The following CDH13 variants were observed in gnomAD, a reference collection of about 807,000 sequenced individuals.
The protein encoded by CDH13 is cadherin 13.
Under a neutral mutation model 63.8 loss-of-function variants are expected in CDH13, and 24 were observed. The observed-to-expected ratio is 0.38, with a 90% CI of 0.27 to 0.53. The LOEUF is 0.53. Among genes scored for constraint, CDH13 ranks in the 20% least tolerant of loss-of-function variants. The pLI is 0.85. For missense variants in CDH13, 1,049 were observed against 903.1 expected (o/e 1.16, Z -2.07); for synonymous variants, 503 against 355.3 (o/e 1.42, Z -4.67).
At chr16:83,176,732 T>A (rs1209342171) in intron 4 of CDH13, among the ~76,000 whole-genome samples, 1 of 152,078 alleles carries the variant, frequency 6.6e-6, no homozygotes, top group Non-Finnish European at 1.5e-5. Context: ...ATTATTAAAG[T>A]TTGCGATAAA....
At chr16:83,175,395 T>G (rs2038083332) in intron 4 of CDH13, among the ~76,000 whole-genome samples, 1 of 152,146 alleles carries the variant, frequency 6.6e-6, no homozygotes, top group South Asian at 2.1e-4. Context: ...GACAGAACCA[T>G]GCAGACACTA....
chr16:83,269,274 G>GCC (rs1567552437), intron 5 of CDH13, among the ~76,000 whole-genome samples: 1 of 152,114 alleles, frequency 6.6e-6, no homozygotes, highest in Non-Finnish European at 1.5e-5. Flanking sequence ...CAGAACTCCT[G>GCC]GAGAGACCTA....
chr16:83,552,612 C>G (rs887886445), intron 7 of CDH13, among the ~76,000 whole-genome samples: 2 of 152,218 alleles, frequency 1.3e-5, no homozygotes, highest in South Asian at 2.1e-4. Flanking sequence ...CTCTAAGAAG[C>G]TGCCTAATTA....
At chr16:82,969,826 A>T (rs1908435893) in intron 2 of CDH13, among the ~76,000 whole-genome samples, 1 of 152,210 alleles carries the variant, frequency 6.6e-6, no homozygotes, top group Admixed American at 6.5e-5. Context: ...GCCAAAAACA[A>T]GATGGCTAGC....
At chr16:83,285,050 C>A (rs1043393539) in intron 5 of CDH13, among the ~76,000 whole-genome samples, 1 of 152,132 alleles carries the variant, frequency 6.6e-6, no homozygotes, top group African/African-American at 2.4e-5. Context: ...TATTCTCACT[C>A]ATAATTTCTT....
At position 83,687,086 on chromosome 16, in the gene CDH13, G is replaced by T. The variant is rs183559051; in HGVS notation, c.1538+8625G>T. On this transcript the variant is annotated intron_variant, in intron 10 of 13. Transcript: ENST00000567109. ...AAGTTAGCCAGGCATGGTGGTGCTT[G>T]CCTGTAGTCCCAGCTACTAGGGAGG... 5.3e-5 allele frequency among the ~76,000 whole-genome samples: 8 copies of T among 152,224 alleles called. No homozygotes were observed. The East Asian group carries it at 7.7e-4, about 15-fold the overall frequency.
chr16:83,168,113 A>G (rs1311821330), intron 4 of CDH13, among the ~76,000 whole-genome samples: 2 of 152,092 alleles, frequency 1.3e-5, no homozygotes, highest in African/African-American at 4.8e-5. Flanking sequence ...GCTAGGTGAC[A>G]GGACCAATGA....
At chr16:83,194,803 T>C (rs1431660651) in intron 4 of CDH13, among the ~76,000 whole-genome samples, 1 of 152,180 alleles carries the variant, frequency 6.6e-6, no homozygotes, top group Admixed American at 6.5e-5. Flanking sequence ...GGCAACACTT[T>C]GTGACGGCCA....
chr16:83,131,730 C>T (rs1300197603), intron 4 of CDH13, among the ~76,000 whole-genome samples: 2 of 152,150 alleles, frequency 1.3e-5, no homozygotes, highest in Non-Finnish European at 2.9e-5. Flanking sequence ...ATCACAAACC[C>T]TTTTCATCAA....
chr16:83,203,037 C>G (rs1057350015), intron 4 of CDH13, among the ~76,000 whole-genome samples: 1 of 151,350 alleles, frequency 6.6e-6, no homozygotes, highest in Non-Finnish European at 1.5e-5. Flanking sequence ...ACCAGCCTGA[C>G]CACCATGGAG....
At chr16:82,978,814 C>T (rs1909872892) in intron 2 of CDH13, among the ~76,000 whole-genome samples, 1 of 152,240 alleles carries the variant, frequency 6.6e-6, no homozygotes, top group Admixed American at 6.5e-5. Context: ...CCCACTGGGG[C>T]ACTGCTTAGT....
chr16:82,656,562 C>G (rs1911319289), intron 1 of CDH13, among the ~76,000 whole-genome samples: 1 of 152,112 alleles, frequency 6.6e-6, no homozygotes, highest in Non-Finnish European at 1.5e-5. Context: ...CAGTCAATGA[C>G]TCTACATTGA....
chr16:83,184,089 A>AACACACACACACACACACAC (rs10656475), intron 4 of CDH13, among the ~76,000 whole-genome samples: 1 of 131,560 alleles, frequency 7.6e-6, no homozygotes, highest in African/African-American at 2.9e-5. Flanking sequence ...CTAGAGGTTA[A>AACACACACACACACACACAC]ACACACACAC....
chr16:83,575,113 C>G (rs1458023381), intron 7 of CDH13, among the ~76,000 whole-genome samples: 3 of 152,102 alleles, frequency 2.0e-5, no homozygotes, highest in Non-Finnish European at 4.4e-5. Flanking sequence ...GCTGAAGCCA[C>G]CTGGCTTGTG....
At chr16:83,379,938 TAGAG>T (rs71148831) in intron 6 of CDH13, among the ~76,000 whole-genome samples, 51 of 123,454 alleles carry the variant, frequency 4.1e-4, no homozygotes, top group African/African-American at 1.2e-3. Context: ...TATATATATA[TAGAG>T]AGAGAGAGAG....
At chr16:82,860,923 CCT>C (rs2039919007) in intron 2 of CDH13, among the ~76,000 whole-genome samples, 2 of 152,070 alleles carry the variant, frequency 1.3e-5, no homozygotes, top group African/African-American at 2.4e-5. Context: ...CTCACTCTCC[CCT>C]CTCTCTCATT....
In CDH13 at chr16:83,455,088, C is replaced by T. The variant is rs559916300; in HGVS notation, c.782-31389C>T. ...TAAAATCGGAGCCATTGTTATCACA[C>T]TTTCTAAGTGAAAATTGATGCTCAG... On this transcript the variant is annotated intron_variant, in intron 6 of 13. Transcript: ENST00000567109. 5.3e-4 allele frequency among the ~76,000 whole-genome samples: 80 copies of T among 152,326 alleles called. 1 individual carries two copies. Among genetic ancestry groups the T allele is most frequent in the African/African-American group, 1.8e-3 (73 of 41,570 alleles).
intron 3 of CDH13, among the ~76,000 whole-genome samples, chr16:83,080,880 T>TTTTG (rs2033195653): frequency 1.8e-5 from 2 of 112,548 alleles, no homozygotes; most frequent in Non-Finnish European, 3.6e-5. Context: ...TGTTTTTTTT[T>TTTTG]TTTTTTTTTT....
rs74596222 is a variant in CDH13 at position 83,011,409 on chromosome 16, T to A, written c.158-20601T>A. 2.3e-4 allele frequency among the ~76,000 whole-genome samples: 35 copies of A among 152,282 alleles called. 1 individual carries two copies. In the East Asian group the frequency reaches 3.5e-3, roughly 15 times the overall value. On this transcript the variant is annotated intron_variant, in intron 2 of 13. Coordinates refer to ENST00000567109, the MANE Select transcript of CDH13 (RefSeq NM_001257.5). ...GCACATTCAATCCCCAGGGAATTAGTCTGAAAGAAGGTGAGCCCTCAACTT... is the reference window on the plus strand; with the variant it reads ...GCACATTCAATCCCCAGGGAATTAGACTGAAAGAAGGTGAGCCCTCAACTT...
Sources: allele counts gnomAD v4.1 joint callset (sites outside exome capture counted in the v4.1 genomes callset), GRCh38; gene constraint gnomAD v4.1.1; transcripts MANE v1.5; gene names NCBI Gene and HGNC (gene_info 2026-07-23, HGNC 2026-07-21).